Variants in GAS2L3 observed in about 807,000 individuals in gnomAD.
GAS2L3 encodes the protein growth arrest specific 2 like 3, also known as GAS2-like protein 3.
In GAS2L3, 28 loss-of-function variants were observed where a neutral mutation model predicts 37.0. That is an observed-to-expected ratio of 0.76 (90% CI 0.56 to 1.04). The LOEUF is 1.04. Ranked by LOEUF, GAS2L3 falls within the 50% of genes least tolerant of loss-of-function variation. The pLI is 0.00. For synonymous variants in GAS2L3, 290 were observed against 296.6 expected (o/e 0.98, Z 0.23); for missense variants, 793 against 817.6 (o/e 0.97, Z 0.37).
At chr12:100,600,286 A>G in intron 3 of GAS2L3, 96 bp from the exon 4 acceptor site, 2 of 770,766 alleles carry the variant, frequency 2.6e-6, no homozygotes, top group East Asian at 2.5e-5. Flanking sequence ...TCTATTATGT[A>G]TGATTTATGC....
chr12:100,590,879 T>C (rs186259459), intron 1 of GAS2L3, among the ~76,000 whole-genome samples: 2 of 151,452 alleles, frequency 1.3e-5, no homozygotes, highest in East Asian at 3.9e-4. Context: ...GGAACTATGC[T>C]ATGAGGACAC....
chr12:100,584,481 C>G (rs1955752966), intron 1 of GAS2L3, among the ~76,000 whole-genome samples: 2 of 152,172 alleles, frequency 1.3e-5, no homozygotes, highest in African/African-American at 4.8e-5. Flanking sequence ...GGCTTTAACT[C>G]CCAAGTATTT....
chr12:100,579,932 G>A (rs1955688738), intron 1 of GAS2L3: 6 of 772,282 alleles, frequency 7.8e-6, no homozygotes, highest in Admixed American at 5.2e-5. Context: ...CTGAAAAAGC[G>A]TATGACCAAG....
At chr12:100,611,639 G>A (rs776387078) in intron 5 of GAS2L3, among the ~76,000 whole-genome samples, 14 of 152,116 alleles carry the variant, frequency 9.2e-5, no homozygotes, top group South Asian at 8.3e-4. Flanking sequence ...TAAGGAGCAC[G>A]CAACCTAGAT....
At chr12:100,603,311 C>A (rs576935122) in intron 5 of GAS2L3, among the ~76,000 whole-genome samples, 46 of 152,186 alleles carry the variant, frequency 3.0e-4, no homozygotes, top group African/African-American at 1.1e-3. Flanking sequence ...TTTGTTATTG[C>A]TTGTCTTTTG....
intron 1 of GAS2L3, among the ~76,000 whole-genome samples, chr12:100,581,250 A>C (rs1412177055): frequency 6.6e-6 from 1 of 152,198 alleles, no homozygotes; most frequent in Admixed American, 6.5e-5. Context: ...AAAAGGCTTT[A>C]TTTCAGAATG....
Position 100,627,098 on chromosome 12 carries a change from A to AG in GAS2L3, c.*2208_*2209insG, listed in dbSNP as rs1462760252. 3.9e-5 allele frequency among the ~76,000 whole-genome samples: 6 copies of AG among 151,938 alleles called. No homozygotes were observed. Among genetic ancestry groups the AG allele is most frequent in the African/African-American group, 1.4e-4 (6 of 41,498 alleles). On this transcript the variant is annotated 3_prime_UTR_variant, in exon 10 of 10. Coordinates refer to ENST00000547754, the MANE Select transcript of GAS2L3 (RefSeq NM_174942.3). ...AGTGAGACTCTGTCTCAAAAAAAAAAAAAAAGAAAAAGAAAAGAAAAAGGT... is the reference window on the plus strand; with the variant it reads ...AGTGAGACTCTGTCTCAAAAAAAAAAGAAAAAGAAAAAGAAAAGAAAAAGGT...
chr12:100,609,811 C>T (rs1249801159), intron 5 of GAS2L3, among the ~76,000 whole-genome samples: 5 of 152,172 alleles, frequency 3.3e-5, no homozygotes, highest in Admixed American at 6.5e-5. Flanking sequence ...CCTGGTTCTG[C>T]CTTCTGCTGA....
chr12:100,592,816 A>G (rs1015839591), intron 2 of GAS2L3, among the ~76,000 whole-genome samples: 3 of 152,130 alleles, frequency 2.0e-5, no homozygotes, highest in African/African-American at 4.8e-5. Context: ...AATCTAAGGG[A>G]AAAGACTTCC....
chr12:100,623,487 T>C, intron 9 of GAS2L3, 75 bp from the exon 10 acceptor site: 1 of 1,342,454 alleles, frequency 7.4e-7, no homozygotes, highest in Non-Finnish European at 1.0e-6. Flanking sequence ...ACATCACATA[T>C]TGTAACTGCT....
chr12:100,623,299 A>T (rs1956282207), intron 9 of GAS2L3, among the ~76,000 whole-genome samples: 1 of 152,192 alleles, frequency 6.6e-6, no homozygotes, highest in African/African-American at 2.4e-5. Context: ...CAGAGCCAGG[A>T]TGTCTTATTT....
At chr12:100,586,252 A>G (rs1370698676) in intron 1 of GAS2L3, among the ~76,000 whole-genome samples, 8 of 152,220 alleles carry the variant, frequency 5.3e-5, no homozygotes, top group Non-Finnish European at 8.8e-5. Context: ...AGAACATTTC[A>G]TCCAACAACA....
intron 1 of GAS2L3, among the ~76,000 whole-genome samples, chr12:100,574,543 G>A (rs1176028371): frequency 6.6e-6 from 1 of 152,198 alleles, no homozygotes; most frequent in Non-Finnish European, 1.5e-5. Flanking sequence ...GCAGTCACCC[G>A]TGGTTCCTTT....
chr12:100,580,099 A>C (rs1955691591), intron 1 of GAS2L3: 1 of 1,100,784 alleles, frequency 9.1e-7, no homozygotes, highest in South Asian at 1.2e-5. Context: ...TATCATTGAT[A>C]CTGGAATAGA....
In GAS2L3 at chr12:100,625,895, AT is replaced by A. The variant is rs1487794595; in HGVS notation, c.*1008del. The A allele has an allele frequency of 6.6e-6, 1 of 152,176 alleles. No homozygotes were observed. The highest frequency in any genetic ancestry group is 1.5e-5 in the Non-Finnish European group (1 of 68,018). 9.4% of individuals were successfully genotyped at this position (152,176 alleles called of 1,614,324 possible). ...GATAGCACAATACCAATTTTAATTA[AT>A]TTCTTCCAATTAGGTTACTTTTCTT... On this transcript the variant is annotated 3_prime_UTR_variant, in exon 10 of 10. Coordinates refer to ENST00000547754, the MANE Select transcript of GAS2L3 (RefSeq NM_174942.3).
At chr12:100,579,814 GATTGGAAAAAGCTAT>G in intron 1 of GAS2L3, 1 of 725,402 alleles carries the variant, frequency 1.4e-6, no homozygotes, top group South Asian at 1.6e-5. Context: ...TTGTGTGAGG[GATTGGAAAAAGCTAT>G]TTTCCAACTG....
chr12:100,600,364 GA>G lies in GAS2L3; in HGVS notation c.19-17del, dbSNP rs750675685. 4.0e-6 allele frequency: 6 copies of G among 1,491,918 alleles called. No homozygotes were observed. Among genetic ancestry groups the G allele is most frequent in the South Asian group, 1.2e-5 (1 of 82,220 alleles). The allele number at this position is 1,491,918 out of a possible 1,614,324, so 92.4% of individuals were successfully genotyped here. On this transcript the variant is annotated splice_polypyrimidine_tract_variant and intron_variant, in intron 3 of 9. Transcript: ENST00000547754. ...AAAGGTTTTATTCATTCAGTTGATT[GA>G]TTTTTTTTTTCTTTAGGTATGGTTT...
chr12:100,578,925 T>C, intron 1 of GAS2L3: 3 of 912,492 alleles, frequency 3.3e-6, no homozygotes, highest in Non-Finnish European at 5.4e-6. Flanking sequence ...CAGTGCCTGA[T>C]TGGAAGAGGG....
At chr12:100,578,849 T>C (rs764553980) in intron 1 of GAS2L3, 3 of 723,160 alleles carry the variant, frequency 4.1e-6, no homozygotes, top group African/African-American at 3.5e-5. Flanking sequence ...CCATAATATA[T>C]GTATGGCATC....
Sources: allele counts gnomAD v4.1 joint callset (sites outside exome capture counted in the v4.1 genomes callset), GRCh38; gene constraint gnomAD v4.1.1; transcripts MANE v1.5; gene names NCBI Gene and HGNC (gene_info 2026-07-23, HGNC 2026-07-21).